The following KIAA0825 variants were observed in gnomAD, a reference collection of about 807,000 sequenced individuals.
KIAA0825 encodes KIAA0825, also known as uncharacterized protein KIAA0825.
KIAA0825 carries 119 observed loss-of-function variants against 147.6 expected under a neutral mutation model. That is an observed-to-expected ratio of 0.81 (90% CI 0.69 to 0.94). KIAA0825 has a LOEUF of 0.94. KIAA0825 is among the 40% of genes least tolerant of loss of function. The pLI, the probability that KIAA0825 is intolerant of heterozygous loss-of-function variation, is 0.00. For synonymous variants in KIAA0825, 470 were observed against 518.1 expected, an observed-to-expected ratio of 0.91 and a Z score of 1.26; for missense variants, 1,381 against 1,472.7, an observed-to-expected ratio of 0.94 and a Z score of 1.02.
intron 2 of KIAA0825, among the ~76,000 whole-genome samples, chr5:94,553,529 C>T (rs1042619940): frequency 4.0e-5 from 6 of 151,390 alleles, no homozygotes; most frequent in African/African-American, 1.5e-4. Flanking sequence ...ATTTGGGAGG[C>T]CAAGGCGGGT....
intron 14 of KIAA0825, among the ~76,000 whole-genome samples, chr5:94,434,996 A>G (rs1756152393): frequency 6.6e-6 from 1 of 152,218 alleles, no homozygotes; most frequent in African/African-American, 2.4e-5. Context: ...TTTATTAAAC[A>G]AAGAGAACCT....
At chr5:94,554,715 A>AATATATATATATATATATATATAT (rs1561307328) in intron 2 of KIAA0825, among the ~76,000 whole-genome samples, 1 of 75,352 alleles carries the variant, frequency 1.3e-5, no homozygotes, top group Non-Finnish European at 2.5e-5. Context: ...TGTTCTGTGT[A>AATATATATATATATATATATATAT]CTATATATAT....
intron 2 of KIAA0825, among the ~76,000 whole-genome samples, chr5:94,537,496 A>G (rs1235771105): frequency 6.6e-6 from 1 of 152,054 alleles, no homozygotes; most frequent in Non-Finnish European, 1.5e-5. Flanking sequence ...CTAAATGTAC[A>G]AAAAACTAGT....
chr5:94,215,066 GAA>G (rs996637036), intron 20 of KIAA0825, among the ~76,000 whole-genome samples: 6 of 152,144 alleles, frequency 3.9e-5, no homozygotes, highest in Admixed American at 2.0e-4. Flanking sequence ...GAAGAAAAGT[GAA>G]AGTTTCAGAG....
At chr5:94,270,227 G>C (rs1231322863) in intron 20 of KIAA0825, among the ~76,000 whole-genome samples, 1 of 151,986 alleles carries the variant, frequency 6.6e-6, no homozygotes, top group Non-Finnish European at 1.5e-5. Context: ...AAAACAGTAT[G>C]GTATCAGCAT....
intron 5 of KIAA0825, among the ~76,000 whole-genome samples, chr5:94,505,765 T>C (rs1404421144): frequency 6.6e-6 from 1 of 152,166 alleles, no homozygotes. Context: ...ATGGGATAAA[T>C]CCTAAAATAA....
In KIAA0825 at chr5:94,538,054, A is replaced by G. The variant is rs529546098; in HGVS notation, c.-1-927T>C. Among the ~76,000 whole-genome samples, 4 of 152,314 alleles carry G rather than the reference A, an allele frequency of 2.6e-5. No homozygotes were observed. In the South Asian group the frequency reaches 8.3e-4, roughly 32 times the overall value. Reference sequence around the variant, plus strand: ...ATTCTCTCTATATACTGAATGTTTGATAGGTTATATACACTGCTGTAGAGG... The same window carrying G: ...ATTCTCTCTATATACTGAATGTTTGGTAGGTTATATACACTGCTGTAGAGG... On this transcript the variant is annotated intron_variant, in intron 2 of 20. Transcript: ENST00000682413.
chr5:94,309,239 A>G (rs1282191891), intron 20 of KIAA0825, among the ~76,000 whole-genome samples: 1 of 151,798 alleles, frequency 6.6e-6, no homozygotes, highest in East Asian at 1.9e-4. Flanking sequence ...TTTTCATTTT[A>G]GCCGAGGAGA....
chr5:94,168,918 A>G (rs1354681950), intron 20 of KIAA0825, among the ~76,000 whole-genome samples: 1 of 152,234 alleles, frequency 6.6e-6, no homozygotes, highest in African/African-American at 2.4e-5. Flanking sequence ...TGTTACATTA[A>G]AAGATACTTA....
At chr5:94,381,375 G>GA (rs1271695667) in intron 20 of KIAA0825, among the ~76,000 whole-genome samples, 13 of 151,884 alleles carry the variant, frequency 8.6e-5, no homozygotes, top group Non-Finnish European at 1.5e-5. Flanking sequence ...AAATATTTGG[G>GA]AAAAAAAATT....
At chr5:94,518,106 T>C (rs1767550173) in intron 5 of KIAA0825, among the ~76,000 whole-genome samples, 2 of 152,094 alleles carry the variant, frequency 1.3e-5, no homozygotes, top group African/African-American at 2.4e-5. Context: ...TCAGGTAAAA[T>C]AGCAAAGATT....
At chr5:94,474,668 T>C (rs1761640716) in intron 7 of KIAA0825, among the ~76,000 whole-genome samples, 1 of 152,226 alleles carries the variant, frequency 6.6e-6, no homozygotes, top group Non-Finnish European at 1.5e-5. Flanking sequence ...AATTATATGA[T>C]TCCATGACTC....
intron 7 of KIAA0825, among the ~76,000 whole-genome samples, 158 bp downstream of exon 7, chr5:94,476,953 C>G (rs550913337): frequency 2.0e-5 from 3 of 151,970 alleles, no homozygotes; most frequent in Admixed American, 1.3e-4. Flanking sequence ...AAAGTGAATT[C>G]TCATCAAAAA....
intron 3 of KIAA0825, among the ~76,000 whole-genome samples, chr5:94,527,638 T>C (rs1769604983): frequency 6.6e-6 from 1 of 152,078 alleles, no homozygotes. Flanking sequence ...TTGCTTATAC[T>C]TCTTTACCCA....
chr5:94,566,363 A>G (rs1374670861), intron 2 of KIAA0825, among the ~76,000 whole-genome samples: 1 of 152,152 alleles, frequency 6.6e-6, no homozygotes. Context: ...AGGTACCAAA[A>G]ATTATTAAAA....
At chr5:94,232,288 A>G (rs1400475602) in intron 20 of KIAA0825, among the ~76,000 whole-genome samples, 3 of 152,018 alleles carry the variant, frequency 2.0e-5, no homozygotes, top group Non-Finnish European at 2.9e-5. Context: ...TTGTGAGGCT[A>G]TATTTTCTGA....
At chr5:94,499,170 A>T (rs1028998753) in intron 5 of KIAA0825, among the ~76,000 whole-genome samples, 2 of 152,144 alleles carry the variant, frequency 1.3e-5, no homozygotes, top group African/African-American at 2.4e-5. Flanking sequence ...GGAGAGTGGG[A>T]CTGAGCTACA....
At chr5:94,344,892 G>A (rs1185282749) in intron 20 of KIAA0825, among the ~76,000 whole-genome samples, 2 of 152,168 alleles carry the variant, frequency 1.3e-5, no homozygotes, top group African/African-American at 2.4e-5. Flanking sequence ...ATAGCATGGT[G>A]GTTGCTAGGG....
chr5:94,448,791 G>A (rs1351639879), intron 13 of KIAA0825, among the ~76,000 whole-genome samples: 1 of 152,152 alleles, frequency 6.6e-6, no homozygotes, highest in Non-Finnish European at 1.5e-5. Flanking sequence ...TGAGGGAAAT[G>A]AATGGAAAGG....
Sources: gnomAD v4.1 joint callset for allele counts (sites outside exome capture counted in the v4.1 genomes callset) on GRCh38, gnomAD v4.1.1 for gene constraint, MANE v1.5 for transcripts, NCBI Gene and HGNC (gene_info 2026-07-23, HGNC 2026-07-21) for gene names.